Variants in PCDHA4 observed in about 807,000 individuals in gnomAD.
PCDHA4 encodes the protein protocadherin alpha 4.
A neutral mutation model predicts 61.4 loss-of-function variants in PCDHA4; 49 were observed. The ratio of observed to expected loss-of-function variants is 0.80; its 90% confidence interval spans 0.63 to 1.01. PCDHA4 has a LOEUF of 1.01. PCDHA4 is among the 50% of genes least tolerant of loss of function. The probability of loss-of-function intolerance (pLI) is 0.00; values close to 1 mark genes in which losing one functional copy is unlikely to be tolerated. For missense variants in PCDHA4, 1,254 were observed against 1,235.8 expected, an observed-to-expected ratio of 1.01 and a Z score of -0.22; for synonymous variants, 590 against 550.3, an observed-to-expected ratio of 1.07 and a Z score of -1.01.
intron 1 of PCDHA4, among the ~76,000 whole-genome samples, chr5:140,904,653 A>AGT (rs2071298480): frequency 6.6e-6 from 1 of 152,104 alleles, no homozygotes; most frequent in Non-Finnish European, 1.5e-5. Context: ...TGTTTTCCAT[A>AGT]GTGGTTGTAC....
intron 1 of PCDHA4, among the ~76,000 whole-genome samples, chr5:140,888,871 T>C (rs2062016827): frequency 6.6e-6 from 1 of 152,084 alleles, no homozygotes; most frequent in African/African-American, 2.4e-5. Flanking sequence ...TGTCTCAACA[T>C]AAAAATTAAA....
intron 1 of PCDHA4, among the ~76,000 whole-genome samples, chr5:140,891,207 GCTGTGTCTTTATAATCATC>G (rs2062985050): frequency 6.6e-6 from 1 of 152,054 alleles, no homozygotes; most frequent in Non-Finnish European, 1.5e-5. Context: ...GTTTTACCAT[GCTGTGTCTTTATAATCATC>G]CTGTTCTGGA....
chr5:140,842,180 A>G lies in PCDHA4; in HGVS notation c.2385+32608A>G, dbSNP rs199588480. ...ATATTCTTTTAATAGCCTTGTTGAA[A>G]CTATGGTTATTGACCACTTTAGCAT... On this transcript the variant is annotated intron_variant, in intron 1 of 3. Coordinates refer to ENST00000530339, the MANE Select transcript of PCDHA4 (RefSeq NM_018907.4). The G allele has an allele frequency of 3.0e-4, 482 of 1,613,200 alleles. 6 individuals are homozygous for G. Among genetic ancestry groups the G allele is most frequent in the African/African-American group, 2.2e-3 (168 of 74,850 alleles).
Position 141,010,316 on chromosome 5 carries a change from G to T in PCDHA4, c.*379G>T. ...GGGCAGGCTGAAAAGTTTTGAGATT[G>T]AGCAGCTTGGGAGTTTGTGGCCACT... On this transcript the variant is annotated 3_prime_UTR_variant, in exon 4 of 4. Coordinates refer to ENST00000530339, the MANE Select transcript of PCDHA4 (RefSeq NM_018907.4). The T allele has an allele frequency of 1.3e-6, 2 of 1,546,404 alleles. No individual in the cohort carries two copies. The highest frequency in any genetic ancestry group is 2.4e-5 in the South Asian group (2 of 83,328).
chr5:140,828,429 C>A (rs2150155314), intron 1 of PCDHA4: 7 of 1,614,216 alleles, frequency 4.3e-6, no homozygotes, highest in East Asian at 2.2e-5. Context: ...GTGGACAGGC[C>A]GCTGCAGGTT....
intron 1 of PCDHA4, among the ~76,000 whole-genome samples, chr5:140,905,871 G>C (rs889363141): frequency 6.6e-6 from 1 of 152,078 alleles, no homozygotes; most frequent in African/African-American, 2.4e-5. Context: ...ACAATCACAA[G>C]GCCCAACAAT....
chr5:141,006,383 T>C (rs1431976303), intron 3 of PCDHA4, among the ~76,000 whole-genome samples: 1 of 151,992 alleles, frequency 6.6e-6, no homozygotes, highest in African/African-American at 2.4e-5. Context: ...GGCTAAGTTT[T>C]TTCTATTTTT....
At chr5:140,924,895 AAAAAAAAAAATAAAAT>A (rs200266637) in intron 1 of PCDHA4, among the ~76,000 whole-genome samples, 43,424 of 132,064 alleles carry the variant, frequency 0.33, 6,815 homozygotes, top group East Asian at 0.57. Flanking sequence ...AACCTGTCTC[AAAAAAAAAAATAAAAT>A]AAAATAAAAT....
intron 1 of PCDHA4, among the ~76,000 whole-genome samples, chr5:140,881,833 A>G (rs1371458560): frequency 6.6e-6 from 1 of 152,252 alleles, no homozygotes; most frequent in Non-Finnish European, 1.5e-5. Flanking sequence ...AAAGTTCTGC[A>G]TGGAATTCTT....
chr5:140,825,713 C>T (rs1234281247), intron 1 of PCDHA4: 2 of 152,202 alleles, frequency 1.3e-5, no homozygotes, highest in African/African-American at 2.4e-5. Context: ...TGAGCCATCG[C>T]GCCTGGCCTA....
intron 1 of PCDHA4, among the ~76,000 whole-genome samples, chr5:140,949,420 G>A (rs1219049825): frequency 6.6e-6 from 1 of 151,726 alleles, no homozygotes; most frequent in African/African-American, 2.4e-5. Context: ...TCATCATTGT[G>A]TTTATCTCTT....
intron 1 of PCDHA4, chr5:140,815,219 T>C (rs1019234983): frequency 5.9e-5 from 9 of 152,144 alleles, no homozygotes; most frequent in Admixed American, 4.6e-4. Flanking sequence ...AACTTACTGT[T>C]GCCTCTTTGT....
intron 1 of PCDHA4, among the ~76,000 whole-genome samples, chr5:140,947,620 T>C (rs1554218262): frequency 6.6e-6 from 1 of 151,706 alleles, no homozygotes; most frequent in African/African-American, 2.4e-5. Flanking sequence ...CTTAACAATA[T>C]TGAGTCATCA....
At chr5:140,882,150 C>A in intron 1 of PCDHA4, 1 of 1,501,768 alleles carries the variant, frequency 6.7e-7, no homozygotes, top group Non-Finnish European at 8.9e-7. Context: ...TAGCAGAAAG[C>A]GGAATACCTC....
intron 1 of PCDHA4, chr5:140,860,899 G>C (rs940246442): frequency 6.6e-6 from 1 of 152,256 alleles, no homozygotes; most frequent in Admixed American, 6.6e-5. Flanking sequence ...CAACACGCCA[G>C]GCTAATTTTT....
chr5:140,842,996 A>C, intron 1 of PCDHA4: 1 of 1,594,948 alleles, frequency 6.3e-7, no homozygotes, highest in Non-Finnish European at 8.6e-7. Flanking sequence ...GCTGGACGAG[A>C]ATGACAACGC....
Position 140,993,501 on chromosome 5 carries a change from C to CAT in PCDHA4, c.2533+10939_2533+10940insTA, listed in dbSNP as rs1159844142. Among the ~76,000 whole-genome samples the CAT allele has an allele frequency of 9.9e-4, 148 of 149,100 alleles. 5 individuals carry two copies. In the East Asian group the frequency reaches 0.024, roughly 24 times the overall value. On this transcript the variant is annotated intron_variant, in intron 3 of 3. Transcript: ENST00000530339. ...ACACACACACACACACACACACACA[C>CAT]ACACACACGGGGAGAGAGAGACAGA...
chr5:140,969,128 A>T (rs140518271), intron 1 of PCDHA4: 11 of 1,614,040 alleles, frequency 6.8e-6, no homozygotes, highest in Non-Finnish European at 9.3e-6. Context: ...TGGCTCCCTC[A>T]CCAAGACCTA....
chr5:140,840,656 A>T (rs1281424347), intron 1 of PCDHA4, among the ~76,000 whole-genome samples: 3 of 152,078 alleles, frequency 2.0e-5, no homozygotes, highest in Non-Finnish European at 4.4e-5. Flanking sequence ...TGTAAAGAAT[A>T]TGCACATACA....
Sources: gnomAD v4.1 joint callset for allele counts (sites outside exome capture counted in the v4.1 genomes callset) on GRCh38, gnomAD v4.1.1 for gene constraint, MANE v1.5 for transcripts, NCBI Gene and HGNC (gene_info 2026-07-23, HGNC 2026-07-21) for gene names.